MYLK4: variants seen among roughly 807,000 people sequenced by gnomAD.
The protein encoded by MYLK4 is myosin light chain kinase family member 4.
Under a neutral mutation model 48.1 loss-of-function variants are expected in MYLK4, and 46 were observed. That is an observed-to-expected ratio of 0.96 (90% confidence interval 0.75 to 1.22). The LOEUF is 1.22. Ranked by LOEUF, MYLK4 falls within the 50% of genes most tolerant of loss-of-function variation. The pLI is 0.00. For synonymous variants in MYLK4, 170 were observed against 180.8 expected, an observed-to-expected ratio of 0.94 and a Z score of 0.48; for missense variants, 451 against 486.1, an observed-to-expected ratio of 0.93 and a Z score of 0.68.
At chr6:2,690,586 G>A (rs1370711664) in intron 3 of MYLK4, among the ~76,000 whole-genome samples, 1 of 152,102 alleles carries the variant, frequency 6.6e-6, no homozygotes, top group Non-Finnish European at 1.5e-5. Flanking sequence ...CCATTTCGGG[G>A]CTTGGGGAGG....
the MYLK4 span, among the ~76,000 whole-genome samples, chr6:2,760,762 A>C: frequency 6.6e-6 from 1 of 152,242 alleles, no homozygotes; most frequent in South Asian, 2.1e-4. Flanking sequence ...ATACCAATAA[A>C]GGGCAGTAAG....
intron 6 of MYLK4, 34 bp from the exon 7 acceptor site, chr6:2,683,196 C>A: frequency 6.2e-7 from 1 of 1,612,520 alleles, no homozygotes; most frequent in East Asian, 2.2e-5. Context: ...CCCTCAGTCC[C>A]GATTTCCTTA....
chr6:2,667,740 G>A lies in MYLK4; in HGVS notation c.*185C>T, dbSNP rs1760714691. On this transcript the variant is annotated 3_prime_UTR_variant, in exon 13 of 13. Transcript: ENST00000274643. Reference sequence around the variant, plus strand: ...CCCTGAGACCAGACCGCAGCGCTGGGTGTTCCTCTGAGCGCAGCAGAGGCA... The same window carrying A: ...CCCTGAGACCAGACCGCAGCGCTGGATGTTCCTCTGAGCGCAGCAGAGGCA... 1 of 152,622 alleles carries A rather than the reference G, an allele frequency of 6.6e-6. No homozygotes were observed. The highest frequency in any genetic ancestry group is 1.5e-5 in the Non-Finnish European group (1 of 68,046). The allele number at this position is 152,622 out of a possible 1,614,324, so 9.5% of individuals were successfully genotyped here. A position where few individuals can be genotyped will look rare whatever the true frequency, so the allele number is the denominator to read the frequency against.
At chr6:2,703,400 T>C (rs1395780200) in intron 2 of MYLK4, among the ~76,000 whole-genome samples, 2 of 152,166 alleles carry the variant, frequency 1.3e-5, no homozygotes, top group African/African-American at 4.8e-5. Context: ...GAGAGAGCAA[T>C]GGACAACAGT....
chr6:2,760,963 T>G, the MYLK4 span, among the ~76,000 whole-genome samples: 2 of 152,178 alleles, frequency 1.3e-5, no homozygotes, highest in African/African-American at 4.8e-5. Flanking sequence ...GACTAACTTT[T>G]AAGATGCTGA....
chr6:2,683,241 C>A, intron 6 of MYLK4, 79 bp from the exon 7 acceptor site: 3 of 1,507,868 alleles, frequency 2.0e-6, no homozygotes, highest in Admixed American at 3.5e-5. Flanking sequence ...ACTTGTCGTG[C>A]AAGTTCTGCT....
chr6:2,769,045 T>C, the MYLK4 span, among the ~76,000 whole-genome samples: 1 of 152,218 alleles, frequency 6.6e-6, no homozygotes, highest in Admixed American at 6.5e-5. Context: ...CATTTCTTAG[T>C]GTTTTTTGAT....
the MYLK4 span, among the ~76,000 whole-genome samples, chr6:2,768,421 CA>C: frequency 6.6e-6 from 1 of 152,134 alleles, no homozygotes; most frequent in Non-Finnish European, 1.5e-5. Context: ...AAGAGTCACC[CA>C]AAAAGGAATC....
At chr6:2,742,859 A>G (rs993606324) in intron 2 of MYLK4, among the ~76,000 whole-genome samples, 1 of 152,118 alleles carries the variant, frequency 6.6e-6, no homozygotes, top group African/African-American at 2.4e-5. Context: ...CCTAAAACTT[A>G]AAGTATAATA....
rs773713096 is a variant in MYLK4 at position 2,675,077 on chromosome 6, G to A, written c.1089C>T (p.Asp363=). 1.4e-5 allele frequency: 23 copies of A among 1,613,958 alleles called. No individual in the cohort carries two copies. Among genetic ancestry groups the A allele is most frequent in the Non-Finnish European group, 1.8e-5 (21 of 1,179,968 alleles). The change falls in exon 11 of 13, where the codon GAC becomes GAT. Residue 363 remains aspartate (D), a synonymous_variant. Transcript: ENST00000274643. ...CATTGAGTCTGGAGTGGAGCTTGTG[G>A]TCTGACAACCAGGGGTGCTTGAGAG... ...SEALKHPWLS[D]HKLHSRLNAQ...
chr6:2,767,063 C>T, the MYLK4 span, among the ~76,000 whole-genome samples: 34 of 152,140 alleles, frequency 2.2e-4, 1 homozygote, highest in Non-Finnish European at 1.3e-4. Flanking sequence ...CATTTTCATC[C>T]GGTATTTCCG....
At chr6:2,711,424 C>T (rs1338226806) in intron 2 of MYLK4, among the ~76,000 whole-genome samples, 2 of 152,364 alleles carry the variant, frequency 1.3e-5, no homozygotes, top group Non-Finnish European at 2.9e-5. Flanking sequence ...CCTACCTTCA[C>T]ACTCAGGTGG....
chr6:2,689,974 T>C (rs2113158809), intron 3 of MYLK4, among the ~76,000 whole-genome samples: 1 of 138,370 alleles, frequency 7.2e-6, no homozygotes, highest in East Asian at 2.6e-4. Flanking sequence ...CAGAGAAGCA[T>C]CTTGATAACA....
intron 6 of MYLK4, 41 bp from the exon 7 acceptor site, chr6:2,683,203 C>G: frequency 1.9e-6 from 3 of 1,612,038 alleles, no homozygotes; most frequent in Non-Finnish European, 2.5e-6. Context: ...TCCCGATTTC[C>G]TTACCACCAT....
intron 2 of MYLK4, among the ~76,000 whole-genome samples, chr6:2,702,750 C>T (rs757018903): frequency 2.6e-5 from 4 of 151,970 alleles, no homozygotes; most frequent in South Asian, 4.2e-4. Context: ...AACTTCACAC[C>T]GTGCCCCAGG....
intron 10 of MYLK4, among the ~76,000 whole-genome samples, chr6:2,676,771 A>G (rs527847974): frequency 1.6e-4 from 25 of 152,280 alleles, no homozygotes; most frequent in African/African-American, 6.0e-4. Context: ...TAGCCGTGTG[A>G]CTGCAGCACT....
chr6:2,764,395 G>C, the MYLK4 span, among the ~76,000 whole-genome samples: 1 of 152,136 alleles, frequency 6.6e-6, no homozygotes. Context: ...CAGCCTGGGC[G>C]ACAGAACGAG....
chr6:2,702,867 C>G (rs1762341958), intron 2 of MYLK4, among the ~76,000 whole-genome samples: 1 of 152,192 alleles, frequency 6.6e-6, no homozygotes. Flanking sequence ...TGTTTTACTC[C>G]TAAGATATGC....
At chr6:2,726,494 A>G (rs1763279266) in intron 2 of MYLK4, among the ~76,000 whole-genome samples, 1 of 152,162 alleles carries the variant, frequency 6.6e-6, no homozygotes, top group African/African-American at 2.4e-5. Flanking sequence ...GGAGACAAAA[A>G]CCATGCCCAG....
Sources: allele counts gnomAD v4.1 joint callset (sites outside exome capture counted in the v4.1 genomes callset), GRCh38; gene constraint gnomAD v4.1.1; transcripts MANE v1.5; gene names NCBI Gene and HGNC (gene_info 2026-07-23, HGNC 2026-07-21).